LAMA1: variants seen among roughly 807,000 people sequenced by gnomAD.
LAMA1 encodes the protein laminin subunit alpha-1.
A neutral mutation model predicts 348.7 loss-of-function variants in LAMA1; 219 were observed. That is an observed-to-expected ratio of 0.63 (90% CI 0.56 to 0.70). The LOEUF is 0.70. LAMA1 is among the 30% of genes least tolerant of loss of function. The pLI is 0.00. For missense variants in LAMA1, 3,744 were observed against 3,888.0 expected (o/e 0.96, Z 0.99); for synonymous variants, 1,487 against 1,491.0 (o/e 1.00, Z 0.06).
intron 1 of LAMA1, among the ~76,000 whole-genome samples, chr18:7,089,841 A>G (rs914884341): frequency 2.6e-5 from 4 of 152,198 alleles, no homozygotes; most frequent in African/African-American, 9.6e-5. Flanking sequence ...GATTTGGAGC[A>G]ATGCATCCCC....
chr18:7,115,491 G>A (rs2058351697), intron 1 of LAMA1, among the ~76,000 whole-genome samples: 1 of 152,072 alleles, frequency 6.6e-6, no homozygotes, highest in African/African-American at 2.4e-5. Flanking sequence ...AGGTAACCCA[G>A]AGAGACTGCA....
chr18:7,098,878 G>A lies in LAMA1; in HGVS notation c.62-18421C>T, dbSNP rs1364420696. On this transcript the variant is annotated intron_variant, in intron 1 of 62. Transcript: ENST00000389658. The stretch of plus-strand genomic sequence containing the variant: ...AGCCCCCCGCCCGGCCAGCCGCCCC[G>A]TCCGGGAGGTGAGGGGCGCCTCTGC... Among the ~76,000 whole-genome samples the A allele has an allele frequency of 5.6e-5, 8 of 142,444 alleles. No homozygotes were observed. The South Asian group carries it at 9.6e-4, about 17-fold the overall frequency. 93.4% of individuals were successfully genotyped at this position (142,444 alleles called of 152,430 possible). A position where few individuals can be genotyped will look rare whatever the true frequency, so the allele number is the denominator to read the frequency against.
At chr18:7,073,652 C>T (rs1271094529) in intron 3 of LAMA1, among the ~76,000 whole-genome samples, 1 of 152,178 alleles carries the variant, frequency 6.6e-6, no homozygotes, top group Non-Finnish European at 1.5e-5. Flanking sequence ...ATCCATTCAC[C>T]TGTTGATGGT....
At chr18:7,075,323 AT>A (rs1053177822) in intron 3 of LAMA1, among the ~76,000 whole-genome samples, 2 of 152,176 alleles carry the variant, frequency 1.3e-5, no homozygotes, top group African/African-American at 4.8e-5. Flanking sequence ...GTTAAAAAAA[AT>A]TTTTAAAAAA....
At chr18:6,964,190 C>T (rs1404295764) in intron 51 of LAMA1, 1 of 183,842 alleles carries the variant, frequency 5.4e-6, no homozygotes, top group Non-Finnish European at 1.2e-5. Flanking sequence ...GCCTGCTTTA[C>T]TTCTCAAATC....
intron 48 of LAMA1, among the ~76,000 whole-genome samples, chr18:6,967,645 C>T (rs530791092): frequency 2.9e-4 from 44 of 152,274 alleles, no homozygotes; most frequent in African/African-American, 1.0e-3. Flanking sequence ...CTCGATGGGC[C>T]GGTCTTCATT....
intron 35 of LAMA1, 100 bp downstream of exon 35, chr18:6,993,541 C>T (rs775310839): frequency 2.4e-5 from 22 of 930,406 alleles, no homozygotes; most frequent in Non-Finnish European, 3.6e-5. Context: ...TCCGGAAACC[C>T]GATGCAAGAG....
At chr18:7,065,209 G>A (rs2058117737) in intron 3 of LAMA1, among the ~76,000 whole-genome samples, 1 of 147,874 alleles carries the variant, frequency 6.8e-6, no homozygotes, top group South Asian at 2.2e-4. Flanking sequence ...CTCCAGCCTG[G>A]GTGACAGAGT....
chr18:6,959,986 A>G (rs73390544), intron 53 of LAMA1: 10,026 of 218,362 alleles, frequency 0.046, 974 homozygotes, highest in African/African-American at 0.22. Flanking sequence ...ACACTAGAAG[A>G]ATTGGAACGT....
chr18:6,972,038 A>C, intron 47 of LAMA1, 57 bp from the exon 48 acceptor site: 2 of 1,602,368 alleles, frequency 1.2e-6, no homozygotes, highest in South Asian at 1.1e-5. Flanking sequence ...AGCAAAATAC[A>C]TTCTCCAAGT....
At chr18:7,013,097 G>C (rs1170227112) in intron 23 of LAMA1, among the ~76,000 whole-genome samples, 2 of 152,006 alleles carry the variant, frequency 1.3e-5, no homozygotes, top group East Asian at 3.9e-4. Context: ...GGAGGCGGAG[G>C]TTGCAGTGAG....
At chr18:7,068,569 T>C (rs1401813040) in intron 3 of LAMA1, among the ~76,000 whole-genome samples, 3 of 152,236 alleles carry the variant, frequency 2.0e-5, no homozygotes, top group Admixed American at 2.0e-4. Flanking sequence ...TTTTTTCTTA[T>C]ATTTTTCTAT....
At chr18:7,016,401 C>T (rs952019883) in intron 21 of LAMA1, 90 bp downstream of exon 21, 43 of 1,470,070 alleles carry the variant, frequency 2.9e-5, no homozygotes, top group African/African-American at 5.5e-5. Flanking sequence ...AGTAAAGGCA[C>T]TTAACCAAAA....
rs772153716 is a variant in LAMA1, at chr18:6,978,369, T to C, written c.6017A>G (p.Asp2006Gly). The change falls in exon 43 of 63, where the codon GAC (aspartate) becomes GGC (glycine). Residue 2006 changes from aspartate (D) to glycine (G), a missense_variant. This residue lies in a region of LAMA1 where 1,983 missense variants were observed against 1,934.3 expected (regional missense o/e 1.03). Coordinates refer to ENST00000389658, the MANE Select transcript of LAMA1 (RefSeq NM_005559.4). ...ILRAIPKGIR[D>G]KGAKTKELAT... ...CAGCTCTTTGGTTTTGGCTCCCTTG[T>C]CTCTTATACCTAAAATAAATGTATA... 7 of 1,613,974 alleles carry C rather than the reference T, an allele frequency of 4.3e-6. No individual in the cohort carries two copies. Among genetic ancestry groups the C allele is most frequent in the Non-Finnish European group, 5.9e-6 (7 of 1,180,030 alleles).
chr18:7,009,660 G>A (rs1600390737), intron 26 of LAMA1, among the ~76,000 whole-genome samples: 1 of 152,274 alleles, frequency 6.6e-6, no homozygotes, highest in East Asian at 1.9e-4. Context: ...AAAGTCTCCT[G>A]TACCACTATC....
intron 59 of LAMA1, 117 bp downstream of exon 59, chr18:6,948,984 C>T: frequency 1.5e-6 from 2 of 1,348,492 alleles, no homozygotes. Context: ...AACCTCTTCA[C>T]AAGCCCCAGG....
At chr18:7,055,235 G>A (rs554927741) in intron 3 of LAMA1, among the ~76,000 whole-genome samples, 253 of 151,944 alleles carry the variant, frequency 1.7e-3, no homozygotes, top group African/African-American at 5.7e-3. Flanking sequence ...CAGATCACTC[G>A]AGGTCAGGAG....
chr18:7,038,977 T>C (rs2058008769), intron 10 of LAMA1, 27 bp from the exon 11 acceptor site: 1 of 1,592,376 alleles, frequency 6.3e-7, no homozygotes, highest in Non-Finnish European at 8.6e-7. Context: ...AAGATTAGCT[T>C]TTGAAACCAA....
intron 3 of LAMA1, chr18:7,079,440 T>G: frequency 5.8e-6 from 1 of 172,566 alleles, no homozygotes; most frequent in South Asian, 1.4e-4. Flanking sequence ...TCCCCACTCA[T>G]GCTGAAGGCA....
Sources: allele counts gnomAD v4.1 joint callset (sites outside exome capture counted in the v4.1 genomes callset), GRCh38; gene constraint gnomAD v4.1.1; regional missense constraint gnomAD v4.1.1; transcripts MANE v1.5; gene names NCBI Gene and HGNC (gene_info 2026-07-23, HGNC 2026-07-21).